UBE2E3: variants seen among roughly 807,000 people sequenced by gnomAD.
The protein encoded by UBE2E3 is ubiquitin-conjugating enzyme E2 E3.
UBE2E3 carries 5 observed loss-of-function variants against 23.6 expected under a neutral mutation model. The observed-to-expected ratio is 0.21, with a 90% CI of 0.11 to 0.44. The LOEUF (loss-of-function observed/expected upper bound fraction) is 0.44. Among genes scored for constraint, UBE2E3 ranks in the 20% least tolerant of loss-of-function variants. UBE2E3 has a pLI of 0.99. For synonymous variants in UBE2E3, 78 were observed against 87.5 expected, an observed-to-expected ratio of 0.89 and a Z score of 0.60; for missense variants, 81 against 249.8, an observed-to-expected ratio of 0.32 and a Z score of 4.55.
chr2:181,026,206 A>G (rs763568970), intron 3 of UBE2E3, among the ~76,000 whole-genome samples: 16 of 151,954 alleles, frequency 1.1e-4, no homozygotes, highest in Non-Finnish European at 1.6e-4. Flanking sequence ...GAAAATAATG[A>G]TTGAAGCTAA....
At chr2:181,018,832 A>G (rs186938033) in intron 3 of UBE2E3, among the ~76,000 whole-genome samples, 112 of 152,226 alleles carry the variant, frequency 7.4e-4, no homozygotes, top group Admixed American at 1.9e-3. Flanking sequence ...CCTTTTATAT[A>G]GGGGAGTGTT....
chr2:181,040,650 A>T (rs1686458672), intron 3 of UBE2E3, among the ~76,000 whole-genome samples: 1 of 152,220 alleles, frequency 6.6e-6, no homozygotes, highest in Non-Finnish European at 1.5e-5. Context: ...GAAGGTGGGT[A>T]ATCACTAGAG....
chr2:181,005,581 T>C (rs560800867), intron 3 of UBE2E3, among the ~76,000 whole-genome samples: 1 of 152,324 alleles, frequency 6.6e-6, no homozygotes, highest in Admixed American at 6.5e-5. Flanking sequence ...CCATAGTCCT[T>C]ACCTCTTCCT....
At chr2:181,034,291 T>C (rs1686190040) in intron 3 of UBE2E3, among the ~76,000 whole-genome samples, 1 of 152,152 alleles carries the variant, frequency 6.6e-6, no homozygotes, top group Admixed American at 6.5e-5. Flanking sequence ...TGTCCATCAA[T>C]GATAGACTGG....
intron 3 of UBE2E3, among the ~76,000 whole-genome samples, chr2:180,995,009 C>T (rs989562239): frequency 1.3e-5 from 2 of 152,130 alleles, no homozygotes; most frequent in African/African-American, 4.8e-5. Context: ...ATTTTGTAGC[C>T]ACCTCCTGTT....
intron 3 of UBE2E3, among the ~76,000 whole-genome samples, chr2:181,016,625 A>C (rs938688699): frequency 6.6e-6 from 1 of 152,184 alleles, no homozygotes; most frequent in Non-Finnish European, 1.5e-5. Flanking sequence ...TTGACCCCCA[A>C]ACTGATTCTT....
chr2:181,060,272 AT>A (rs913659804), intron 4 of UBE2E3, among the ~76,000 whole-genome samples: 4 of 151,766 alleles, frequency 2.6e-5, no homozygotes, highest in Non-Finnish European at 4.4e-5. Flanking sequence ...TTAAAAAAAA[AT>A]CTTCATCAGT....
chr2:181,050,900 T>C (rs572846842), intron 3 of UBE2E3, among the ~76,000 whole-genome samples: 1 of 152,052 alleles, frequency 6.6e-6, no homozygotes, highest in South Asian at 2.1e-4. Flanking sequence ...AACTTCCTTC[T>C]TTCTTGTTTC....
At chr2:181,022,698 A>G (rs1685745675) in intron 3 of UBE2E3, among the ~76,000 whole-genome samples, 2 of 152,116 alleles carry the variant, frequency 1.3e-5, no homozygotes, top group Admixed American at 6.5e-5. Flanking sequence ...CAAAAATGCA[A>G]AAAGCATGGT....
Position 180,980,870 on chromosome 2 carries a change from CT to C in UBE2E3, c.-127del, listed in dbSNP as rs1335562756. 1 of 149,132 alleles carries C rather than the reference CT, an allele frequency of 6.7e-6. No homozygotes were observed. Among genetic ancestry groups the C allele is most frequent in the African/African-American group, 2.4e-5 (1 of 40,934 alleles). The allele number at this position is 149,132 out of a possible 1,614,324, so 9.2% of individuals were successfully genotyped here. A position where few individuals can be genotyped will look rare whatever the true frequency, so the allele number is the denominator to read the frequency against. On this transcript the variant is annotated 5_prime_UTR_variant, in exon 1 of 6. It introduces an in-frame stop codon into an upstream open reading frame of the 5' UTR. Coordinates refer to ENST00000410062, the MANE Select transcript of UBE2E3 (RefSeq NM_006357.4). The surrounding 1 kb of genome is among the most constrained non-coding windows in gnomAD (Gnocchi z 5.5). ...CGGCTTCTTTTTTTCCCTCCCCCCCCTTCCCCCCCCCACAGCTGCCTCCATT... is the reference window on the plus strand; with the variant it reads ...CGGCTTCTTTTTTTCCCTCCCCCCCCTCCCCCCCCCACAGCTGCCTCCATT...
chr2:180,987,876 G>A (rs1194290778), intron 3 of UBE2E3, among the ~76,000 whole-genome samples: 2 of 152,078 alleles, frequency 1.3e-5, no homozygotes, highest in African/African-American at 2.4e-5. Flanking sequence ...TAGAAATGCA[G>A]ACTCTTGCTT....
At chr2:181,012,619 G>A (rs950902399) in intron 3 of UBE2E3, among the ~76,000 whole-genome samples, 11 of 152,254 alleles carry the variant, frequency 7.2e-5, no homozygotes, top group Admixed American at 2.6e-4. Context: ...CTATGAAGCC[G>A]GTTTGGAATG....
intron 3 of UBE2E3, among the ~76,000 whole-genome samples, chr2:181,052,809 G>T (rs1290163718): frequency 6.6e-6 from 1 of 151,666 alleles, no homozygotes; most frequent in East Asian, 1.9e-4. Context: ...TATTTTCTTT[G>T]TTCTGCTTCT....
chr2:181,047,945 A>G (rs189366913), intron 3 of UBE2E3, among the ~76,000 whole-genome samples: 10 of 142,470 alleles, frequency 7.0e-5, no homozygotes, highest in Admixed American at 6.9e-4. Flanking sequence ...AGCTTCCCTC[A>G]TTAGGTCGTT....
Position 181,050,729 on chromosome 2 carries a change from C to T in UBE2E3, c.246-6964C>T, listed in dbSNP as rs905237417. Among the ~76,000 whole-genome samples, 10 of 151,874 alleles carry T rather than the reference C, an allele frequency of 6.6e-5. No homozygotes were observed. The East Asian group carries it at 7.8e-4, about 12-fold the overall frequency. ...GGCAAGTCACTTAACCTTTCTGGCTCGGTTTCTCATCTGTGAAATTGTGAT... is the reference window on the plus strand; with the variant it reads ...GGCAAGTCACTTAACCTTTCTGGCTTGGTTTCTCATCTGTGAAATTGTGAT... On this transcript the variant is annotated intron_variant, in intron 3 of 5. Transcript: ENST00000410062.
Position 181,026,262 on chromosome 2 carries a change from T to C in UBE2E3, c.246-31431T>C, listed in dbSNP as rs139455035. ...AAACAGAAAAACCAGTTGTTTAGTA[T>C]AGCAAATATAGATTACATATTCTGT... On this transcript the variant is annotated intron_variant, in intron 3 of 5. Transcript: ENST00000410062. Among the ~76,000 whole-genome samples, 902 of 152,068 alleles carry C rather than the reference T, an allele frequency of 5.9e-3. 8 individuals are homozygous for C. Among genetic ancestry groups the C allele is most frequent in the Non-Finnish European group, 9.6e-3 (653 of 67,816 alleles).
At chr2:181,032,449 CTG>C (rs985445115) in intron 3 of UBE2E3, among the ~76,000 whole-genome samples, 2 of 152,264 alleles carry the variant, frequency 1.3e-5, no homozygotes, top group African/African-American at 4.8e-5. Context: ...TAACGAACCT[CTG>C]TAGTAGATAG....
chr2:181,028,128 T>C lies in UBE2E3; in HGVS notation c.246-29565T>C, dbSNP rs190947805. On this transcript the variant is annotated intron_variant, in intron 3 of 5. Coordinates refer to ENST00000410062, the MANE Select transcript of UBE2E3 (RefSeq NM_006357.4). ...TTACTAAACGGCATATATTGTTTAATTTTGAGCACTATACATTACATAATG... is the reference window on the plus strand; with the variant it reads ...TTACTAAACGGCATATATTGTTTAACTTTGAGCACTATACATTACATAATG... Among the ~76,000 whole-genome samples the C allele has an allele frequency of 1.9e-3, 287 of 152,180 alleles. 10 individuals are homozygous for C. The East Asian group carries it at 0.048, about 25-fold the overall frequency.
chr2:181,018,029 A>AT (rs1213222636), intron 3 of UBE2E3, among the ~76,000 whole-genome samples: 1 of 150,450 alleles, frequency 6.6e-6, no homozygotes, highest in Non-Finnish European at 1.5e-5. Context: ...GACCACCCTA[A>AT]TTTTGTTTTC....
Sources: gnomAD v4.1 joint callset for allele counts (sites outside exome capture counted in the v4.1 genomes callset) on GRCh38, gnomAD v4.1.1 for gene constraint, Gnocchi (gnomAD v3.1) non-coding constraint, MANE v1.5 for transcripts, NCBI Gene and HGNC (gene_info 2026-07-23, HGNC 2026-07-21) for gene names.